IGF2BP1: variants seen among roughly 807,000 people sequenced by gnomAD.
IGF2BP1 encodes insulin like growth factor 2 mRNA binding protein 1, also known as insulin-like growth factor 2 mRNA-binding protein 1.
IGF2BP1 carries 11 observed loss-of-function variants against 74.9 expected under a neutral mutation model. That is an observed-to-expected ratio of 0.15 (90% CI 0.09 to 0.24). The LOEUF is 0.24. Among genes scored for constraint, IGF2BP1 ranks in the 10% least tolerant of loss-of-function variants. The pLI is 1.00. For synonymous variants in IGF2BP1, 287 were observed against 281.8 expected (o/e 1.02, Z -0.18); for missense variants, 440 against 757.4 (o/e 0.58, Z 4.92).
intron 2 of IGF2BP1, chr17:49,014,625 G>A (rs2041669345): frequency 3.5e-6 from 1 of 282,418 alleles, no homozygotes; most frequent in African/African-American, 2.3e-5. Context: ...CCGCCAGGAA[G>A]AAGCCAGCTG....
At chr17:49,007,006 T>G (rs993655915) in intron 2 of IGF2BP1, among the ~76,000 whole-genome samples, 1 of 152,194 alleles carries the variant, frequency 6.6e-6, no homozygotes, top group Non-Finnish European at 1.5e-5. Context: ...AATTTCACAC[T>G]TTACGGCTAC....
Position 48,997,640 on chromosome 17 carries a change from G to T in IGF2BP1, c.-106G>T. 2 of 1,255,220 alleles carry T rather than the reference G, an allele frequency of 1.6e-6. No homozygotes were observed. Among genetic ancestry groups the T allele is most frequent in the Non-Finnish European group, 2.2e-6 (2 of 902,784 alleles). 77.8% of individuals were successfully genotyped at this position (1,255,220 alleles called of 1,614,324 possible). Reference sequence around the variant, plus strand: ...CTGGGGTGGGGTGCAAAGAAAGTTTGCGGCTCCTGCCGCCGGCCTCTCCGC... The same window carrying T: ...CTGGGGTGGGGTGCAAAGAAAGTTTTCGGCTCCTGCCGCCGGCCTCTCCGC... On this transcript the variant is annotated 5_prime_UTR_variant, in exon 1 of 15. Coordinates refer to ENST00000290341, the MANE Select transcript of IGF2BP1 (RefSeq NM_006546.4). The surrounding 1 kb of genome is among the most constrained non-coding windows in gnomAD (Gnocchi z 4.8).
intron 11 of IGF2BP1, among the ~76,000 whole-genome samples, chr17:49,044,288 C>T (rs1010276333): frequency 5.3e-5 from 8 of 152,132 alleles, no homozygotes; most frequent in African/African-American, 1.9e-4. Context: ...TCTGGGTTTT[C>T]AGGCTGGGCA....
chr17:48,999,193 GGGGT>G (rs1567806556), intron 2 of IGF2BP1, 24 bp downstream of exon 2: 1 of 737,224 alleles, frequency 1.4e-6, no homozygotes, highest in Admixed American at 2.2e-5. Flanking sequence ...CTTTTCGGGG[GGGGT>G]GGGGGGGCCG....
intron 3 of IGF2BP1, 21 bp from the exon 4 acceptor site, chr17:49,026,445 T>G (rs2041854775): frequency 1.2e-6 from 2 of 1,612,536 alleles, no homozygotes; most frequent in African/African-American, 1.3e-5. Flanking sequence ...TTAAGTGTAC[T>G]TCCCTTCTCC....
intron 2 of IGF2BP1, among the ~76,000 whole-genome samples, chr17:49,000,205 TTGA>T (rs2041470635): frequency 6.6e-6 from 1 of 152,150 alleles, no homozygotes; most frequent in Non-Finnish European, 1.5e-5. Context: ...CAGTAAATCT[TTGA>T]TCTTCCTCAC....
intron 2 of IGF2BP1, chr17:49,013,134 T>G (rs939256780): frequency 1.3e-5 from 2 of 152,138 alleles, no homozygotes; most frequent in Non-Finnish European, 2.9e-5. Flanking sequence ...AAGAAGTACT[T>G]TGTGAACTCT....
At chr17:49,030,175 T>A (rs1438454820) in intron 4 of IGF2BP1, among the ~76,000 whole-genome samples, 1 of 150,878 alleles carries the variant, frequency 6.6e-6, no homozygotes, top group East Asian at 1.9e-4. Flanking sequence ...AGAGTCTCGC[T>A]TTGTCACCCA....
chr17:49,041,850 T>C (rs904677163), intron 8 of IGF2BP1, among the ~76,000 whole-genome samples: 1 of 152,178 alleles, frequency 6.6e-6, no homozygotes, highest in Non-Finnish European at 1.5e-5. Context: ...CCTTGGCCCT[T>C]TTCTGTCTGT....
chr17:49,021,741 GAA>G (rs376827424), intron 2 of IGF2BP1, among the ~76,000 whole-genome samples: 8 of 152,308 alleles, frequency 5.3e-5, no homozygotes, highest in African/African-American at 1.9e-4. Context: ...TTCCTTTTCT[GAA>G]CAATGGCTGT....
intron 1 of IGF2BP1, 97 bp from the exon 2 acceptor site, chr17:48,999,012 G>C: frequency 1.4e-6 from 1 of 740,674 alleles, no homozygotes; most frequent in Admixed American, 2.4e-5. Context: ...TCGAATCCCA[G>C]TAACTCCTGA....
At position 49,038,327 on chromosome 17, in the gene IGF2BP1, C is replaced by A; in HGVS notation, c.561C>A (p.Ala187=). ...AGGGCTCACCTGTGGCAGCGGGGGC[C>A]CCAGCCAAGCAGCAGCAAGTGGACA... ...PRQGSPVAAG[A]PAKQQQVDIP... Residue 187 remains alanine (A), a synonymous_variant, in exon 6 of 15, where the codon GCC becomes GCA. Transcript: ENST00000290341. 1 of 1,606,160 alleles carries A rather than the reference C, an allele frequency of 6.2e-7. No individual in the cohort carries two copies. The highest frequency in any genetic ancestry group is 8.5e-7 in the Non-Finnish European group (1 of 1,176,578).
At chr17:48,998,461 G>A (rs898401238) in intron 1 of IGF2BP1, among the ~76,000 whole-genome samples, 1 of 151,562 alleles carries the variant, frequency 6.6e-6, no homozygotes, top group African/African-American at 2.4e-5. Context: ...CCCAGGGCCT[G>A]GGGCTTGAGC....
At chr17:49,016,715 C>T (rs1372563257) in intron 2 of IGF2BP1, among the ~76,000 whole-genome samples, 1 of 152,120 alleles carries the variant, frequency 6.6e-6, no homozygotes, top group Non-Finnish European at 1.5e-5. Flanking sequence ...CTGCTCTGCC[C>T]AGTCCCACAT....
At chr17:49,040,163 G>T in intron 7 of IGF2BP1, 72 bp downstream of exon 7, 1 of 1,516,472 alleles carries the variant, frequency 6.6e-7, no homozygotes, top group Non-Finnish European at 9.0e-7. Context: ...CAACTTTCAA[G>T]CTTTTATACA....
intron 14 of IGF2BP1, among the ~76,000 whole-genome samples, chr17:49,048,533 A>G (rs1567829669): frequency 6.6e-6 from 1 of 152,142 alleles, no homozygotes; most frequent in African/African-American, 2.4e-5. Flanking sequence ...GATTACAGGC[A>G]TGAGCCACCG....
chr17:49,026,772 T>C (rs2041863827), intron 4 of IGF2BP1, among the ~76,000 whole-genome samples: 1 of 149,580 alleles, frequency 6.7e-6, no homozygotes, highest in African/African-American at 2.4e-5. Flanking sequence ...TTCCTGTCTA[T>C]CTTGCTCTGT....
At chr17:49,001,261 A>G (rs1021902245) in intron 2 of IGF2BP1, among the ~76,000 whole-genome samples, 4 of 152,168 alleles carry the variant, frequency 2.6e-5, no homozygotes, top group African/African-American at 9.7e-5. Context: ...TTTCCATCTC[A>G]TGGATGTATA....
At chr17:49,013,013 G>A (rs1487774190) in intron 2 of IGF2BP1, 2 of 152,234 alleles carry the variant, frequency 1.3e-5, no homozygotes, top group African/African-American at 2.4e-5. Context: ...ACCTCTCTGA[G>A]CCCGTTTTCT....
Sources: allele counts gnomAD v4.1 joint callset (sites outside exome capture counted in the v4.1 genomes callset), GRCh38; gene constraint gnomAD v4.1.1; non-coding constraint Gnocchi (gnomAD v3.1); transcripts MANE v1.5; gene names NCBI Gene and HGNC (gene_info 2026-07-23, HGNC 2026-07-21).